Variants in GCH1 observed in about 807,000 individuals in gnomAD.
The protein encoded by GCH1 is GTP cyclohydrolase 1, also known as GTP cyclohydrolase I.
GCH1 carries 5 observed loss-of-function variants against 25.9 expected under a neutral mutation model. The observed-to-expected ratio is 0.19, with a 90% CI of 0.10 to 0.41. GCH1 has a LOEUF of 0.41. Among genes scored for constraint, GCH1 ranks in the 10% least tolerant of loss-of-function variants. The probability of loss-of-function intolerance (pLI) is 1.00; values close to 1 mark genes in which losing one functional copy is unlikely to be tolerated. For synonymous variants in GCH1, 159 were observed against 129.6 expected (o/e 1.23, Z -1.54); for missense variants, 261 against 336.5 (o/e 0.78, Z 1.75).
chr14:54,871,205 T>G (rs1207578898), intron 1 of GCH1, among the ~76,000 whole-genome samples: 1 of 152,228 alleles, frequency 6.6e-6, no homozygotes, highest in Non-Finnish European at 1.5e-5. Context: ...TCCACTGTTC[T>G]GCAGCCTCCG....
intron 1 of GCH1, among the ~76,000 whole-genome samples, chr14:54,871,612 G>A (rs991122270): frequency 6.6e-6 from 1 of 152,100 alleles, no homozygotes; most frequent in African/African-American, 2.4e-5. Flanking sequence ...AAAATTAGAC[G>A]AATGGCTAAC....
intron 3 of GCH1, among the ~76,000 whole-genome samples, chr14:54,852,151 T>C (rs2039741010): frequency 6.6e-6 from 1 of 152,212 alleles, no homozygotes; most frequent in African/African-American, 2.4e-5. Flanking sequence ...TCTATGACTT[T>C]ACTAAAACAC....
chr14:54,883,874 A>G (rs1411916465), intron 1 of GCH1, among the ~76,000 whole-genome samples: 1 of 151,938 alleles, frequency 6.6e-6, no homozygotes, highest in Non-Finnish European at 1.5e-5. Context: ...ACTGGAGCCA[A>G]CTCCACCTAA....
intron 1 of GCH1, among the ~76,000 whole-genome samples, chr14:54,873,927 T>G (rs2040118991): frequency 6.6e-6 from 1 of 152,214 alleles, no homozygotes; most frequent in South Asian, 2.1e-4. Context: ...AAGGAGGAGC[T>G]GGTACCATTC....
intron 1 of GCH1, among the ~76,000 whole-genome samples, chr14:54,887,783 T>G (rs912587063): frequency 1.1e-4 from 16 of 152,224 alleles, no homozygotes; most frequent in Non-Finnish European, 1.9e-4. Context: ...TACGCCAATA[T>G]GGCAGAATGT....
chr14:54,863,246 CTT>C (rs1566667978), intron 2 of GCH1, among the ~76,000 whole-genome samples: 1 of 151,260 alleles, frequency 6.6e-6, no homozygotes. Context: ...CGTGAAACCC[CTT>C]CTCTACTAAA....
chr14:54,901,233 ACT>A (rs1302953058), intron 1 of GCH1, among the ~76,000 whole-genome samples: 1 of 152,158 alleles, frequency 6.6e-6, no homozygotes, highest in Non-Finnish European at 1.5e-5. Context: ...TTTCCAGCGC[ACT>A]GTTTTTCTTT....
Position 54,843,580 on chromosome 14 carries a change from C to T in GCH1, c.*437G>A, listed in dbSNP as rs2039592525. ...CTTGAATTCACAGAGCAATACCGCA[C>T]TAAATATTTTAGCACTTTCGGCACT... is the stretch of plus-strand genomic sequence containing the variant. On this transcript the variant is annotated 3_prime_UTR_variant, in exon 6 of 6. Transcript: ENST00000491895. 1 of 1,424,534 alleles carries T rather than the reference C, an allele frequency of 7.0e-7. No individual in the cohort carries two copies. Among genetic ancestry groups the T allele is most frequent in the African/African-American group, 1.4e-5 (1 of 69,242 alleles). The allele number at this position is 1,424,534 out of a possible 1,614,324, so 88.2% of individuals were successfully genotyped here.
intron 3 of GCH1, among the ~76,000 whole-genome samples, chr14:54,855,576 G>A (rs972128255): frequency 4.0e-5 from 6 of 149,160 alleles, no homozygotes; most frequent in Non-Finnish European, 7.4e-5. Context: ...GCATTTGGGA[G>A]GCCAAGGCAG....
intron 2 of GCH1, among the ~76,000 whole-genome samples, chr14:54,861,142 T>TA (rs2039890995): frequency 6.6e-6 from 1 of 152,246 alleles, no homozygotes; most frequent in Non-Finnish European, 1.5e-5. Context: ...ATTGTTCACT[T>TA]ACTATTTACA....
At position 54,902,809 on chromosome 14, in the gene GCH1, C is replaced by G. The variant is rs1403380755; in HGVS notation, c.-146G>C. ...AACCTGCTTAGATCACACTCCGAGC[C>G]GGGAGCGGCCACAGGCTGGAAAGCC... On this transcript the variant is annotated 5_prime_UTR_variant, in exon 1 of 6. Coordinates refer to ENST00000491895, the MANE Select transcript of GCH1 (RefSeq NM_000161.3). The G allele has an allele frequency of 1.8e-6, 2 of 1,094,558 alleles. No individual in the cohort carries two copies. The highest frequency in any genetic ancestry group is 3.3e-5 in the African/African-American group (2 of 60,790). The allele number at this position is 1,094,558 out of a possible 1,614,324, so 67.8% of individuals were successfully genotyped here.
At chr14:54,879,565 G>A (rs1404828972) in intron 1 of GCH1, among the ~76,000 whole-genome samples, 2 of 152,052 alleles carry the variant, frequency 1.3e-5, no homozygotes, top group African/African-American at 2.4e-5. Flanking sequence ...CAGTAAATTT[G>A]GGCTGCATTT....
rs138156018 is a variant in GCH1, at chr14:54,878,907, G to A, written c.344-13471C>T. 2.5e-3 allele frequency among the ~76,000 whole-genome samples: 373 copies of A among 152,208 alleles called. 2 individuals carry two copies. Among genetic ancestry groups the A allele is most frequent in the African/African-American group, 8.1e-3 (337 of 41,528 alleles). The stretch of plus-strand genomic sequence containing the variant: ...GCCTCCCCAGTAGCTGGGACTAGAG[G>A]TATGCCACCATATCCAGTTAATTTT... On this transcript the variant is annotated intron_variant, in intron 1 of 5. Transcript: ENST00000491895.
At chr14:54,898,192 C>A (rs1014052203) in intron 1 of GCH1, among the ~76,000 whole-genome samples, 5 of 151,984 alleles carry the variant, frequency 3.3e-5, no homozygotes, top group Admixed American at 2.0e-4. Flanking sequence ...CCAGCCTGGG[C>A]AAAACAGTGA....
At chr14:54,872,634 A>G (rs2040098138) in intron 1 of GCH1, among the ~76,000 whole-genome samples, 1 of 152,204 alleles carries the variant, frequency 6.6e-6, no homozygotes, top group African/African-American at 2.4e-5. Flanking sequence ...ATAGGCTCAA[A>G]ATAAAGGGAT....
At chr14:54,873,042 G>A (rs1470565162) in intron 1 of GCH1, among the ~76,000 whole-genome samples, 1 of 151,872 alleles carries the variant, frequency 6.6e-6, no homozygotes, top group Non-Finnish European at 1.5e-5. Context: ...CAAATCAACA[G>A]AATATACATT....
chr14:54,898,493 G>A (rs141095433), intron 1 of GCH1, among the ~76,000 whole-genome samples: 91 of 152,262 alleles, frequency 6.0e-4, no homozygotes, highest in African/African-American at 1.9e-3. Context: ...TCAGCTTAAT[G>A]TATTTAAAAC....
chr14:54,849,368 T>C (rs2039690946), intron 3 of GCH1, among the ~76,000 whole-genome samples: 1 of 152,196 alleles, frequency 6.6e-6, no homozygotes, highest in South Asian at 2.1e-4. Context: ...TTTGCTGTCA[T>C]TCTGGAAAGA....
intron 5 of GCH1, among the ~76,000 whole-genome samples, chr14:54,844,834 A>T (rs1311596402): frequency 1.3e-5 from 2 of 152,236 alleles, no homozygotes; most frequent in African/African-American, 4.8e-5. Context: ...GGAGCAACAG[A>T]GAGCTAAAGA....
Sources: allele counts gnomAD v4.1 joint callset (sites outside exome capture counted in the v4.1 genomes callset), GRCh38; gene constraint gnomAD v4.1.1; transcripts MANE v1.5; gene names NCBI Gene and HGNC (gene_info 2026-07-23, HGNC 2026-07-21).